The following SH3PXD2B variants were observed in gnomAD, a reference collection of about 807,000 sequenced individuals.
SH3PXD2B encodes SH3 and PX domains 2B.
SH3PXD2B carries 37 observed loss-of-function variants against 73.1 expected under a neutral mutation model. That is an observed-to-expected ratio of 0.51 (90% confidence interval 0.39 to 0.67). The LOEUF (loss-of-function observed/expected upper bound fraction) is 0.67. Ranked by LOEUF, SH3PXD2B falls within the 30% of genes least tolerant of loss-of-function variation. The pLI, the probability that SH3PXD2B is intolerant of heterozygous loss-of-function variation, is 0.00. For synonymous variants in SH3PXD2B, 457 were observed against 480.5 expected (o/e 0.95, Z 0.64); for missense variants, 1,053 against 1,197.8 (o/e 0.88, Z 1.78).
chr5:172,394,236 T>TA (rs1417388892), intron 4 of SH3PXD2B, among the ~76,000 whole-genome samples: 1 of 152,224 alleles, frequency 6.6e-6, no homozygotes, highest in Non-Finnish European at 1.5e-5. Flanking sequence ...TGAGCCACTG[T>TA]ACCCAGTCAA....
intron 6 of SH3PXD2B, among the ~76,000 whole-genome samples, chr5:172,367,521 C>A (rs757837348): frequency 6.6e-6 from 1 of 152,090 alleles, no homozygotes. Context: ...AGCCACTGCG[C>A]CTGGCCTTTT....
chr5:172,412,993 T>C (rs1454852658), intron 2 of SH3PXD2B, among the ~76,000 whole-genome samples: 2 of 152,142 alleles, frequency 1.3e-5, no homozygotes, highest in Non-Finnish European at 2.9e-5. Context: ...CAGCTTGCGG[T>C]AGAGGGAATG....
chr5:172,435,675 C>T (rs561565763), intron 1 of SH3PXD2B, among the ~76,000 whole-genome samples: 183 of 152,268 alleles, frequency 1.2e-3, no homozygotes, highest in Non-Finnish European at 1.9e-3. Context: ...CTACCTGCCT[C>T]GGCCTCCCAA....
At chr5:172,354,611 C>A (rs190663464) in intron 8 of SH3PXD2B, among the ~76,000 whole-genome samples, 242 of 152,326 alleles carry the variant, frequency 1.6e-3, no homozygotes, top group African/African-American at 5.5e-3. Flanking sequence ...TCCTTACTAG[C>A]TCTTGCAGGT....
intron 2 of SH3PXD2B, among the ~76,000 whole-genome samples, chr5:172,416,055 C>T (rs756608035): frequency 7.9e-5 from 12 of 152,242 alleles, no homozygotes; most frequent in Non-Finnish European, 1.2e-4. Flanking sequence ...CAGCCGGGCG[C>T]GGTGGCTCAG....
In SH3PXD2B at chr5:172,333,561, A is replaced by G; in HGVS notation, c.*4808T>C. 8.5e-7 allele frequency: 1 copy of G among 1,175,298 alleles called. No homozygotes were observed. Among genetic ancestry groups the G allele is most frequent in the Non-Finnish European group, 1.1e-6 (1 of 938,514 alleles). 72.8% of individuals were successfully genotyped at this position (1,175,298 alleles called of 1,614,324 possible). A position where few individuals can be genotyped will look rare whatever the true frequency, so the allele number is the denominator to read the frequency against. ...TATTTAAAAAAAAAAAAAGGAAAGA[A>G]GTCAAATGGTAAAGTATATAGCCTA... On this transcript the variant is annotated 3_prime_UTR_variant, in exon 13 of 13. Coordinates refer to ENST00000311601, the MANE Select transcript of SH3PXD2B (RefSeq NM_001017995.3).
At chr5:172,420,671 T>C (rs1170292943) in intron 2 of SH3PXD2B, among the ~76,000 whole-genome samples, 1 of 152,204 alleles carries the variant, frequency 6.6e-6, no homozygotes, top group Non-Finnish European at 1.5e-5. Context: ...ATTGACTTCT[T>C]GGGTGGAGCA....
At chr5:172,406,203 A>C (rs1409671746) in intron 3 of SH3PXD2B, 74 bp downstream of exon 3, 2 of 1,499,556 alleles carry the variant, frequency 1.3e-6, no homozygotes, top group Non-Finnish European at 1.9e-6. Flanking sequence ...ACAAGCTGAT[A>C]AACTGTCCCA....
chr5:172,429,855 C>T (rs1759190971), intron 1 of SH3PXD2B, among the ~76,000 whole-genome samples: 1 of 152,190 alleles, frequency 6.6e-6, no homozygotes, highest in Admixed American at 6.5e-5. Context: ...CATGCCCCAG[C>T]TTGGCTGCAG....
intron 10 of SH3PXD2B, among the ~76,000 whole-genome samples, chr5:172,348,654 C>CTTATCTATCTATCTATCTTATCTTAT (rs1440672001): frequency 3.3e-5 from 2 of 60,396 alleles, no homozygotes; most frequent in Non-Finnish European, 7.1e-5. Flanking sequence ...ATCTATCTAT[C>CTTATCTATCTATCTATCTTATCTTAT]CTATCTATCT....
intron 4 of SH3PXD2B, among the ~76,000 whole-genome samples, chr5:172,393,288 C>G (rs563678655): frequency 6.6e-6 from 1 of 152,216 alleles, no homozygotes; most frequent in Non-Finnish European, 1.5e-5. Flanking sequence ...AAATTTATTT[C>G]TAAGTATTTT....
At chr5:172,418,589 GC>G (rs1328041315) in intron 2 of SH3PXD2B, among the ~76,000 whole-genome samples, 7 of 152,232 alleles carry the variant, frequency 4.6e-5, no homozygotes, top group Non-Finnish European at 8.8e-5. Flanking sequence ...GGTGTTGCAG[GC>G]CCGCAAGGGC....
rs575524429 is a variant in SH3PXD2B, at chr5:172,351,668, C to CA, written c.786-1080dup. Among the ~76,000 whole-genome samples the CA allele has an allele frequency of 1.9e-4, 29 of 151,748 alleles. No individual in the cohort carries two copies. In the East Asian group the frequency reaches 4.4e-3, roughly 23 times the overall value. ...TGGTTGTTAAACATTTACCAGAACC[C>CA]AAAAAAACAGGTGGCCAGACCTTTG... On this transcript the variant is annotated intron_variant, in intron 9 of 12. Transcript: ENST00000311601.
rs34351709 is a variant in SH3PXD2B, at chr5:172,389,568, CA to C, written c.309+4994del. ...CAACATGGTGAAACCTCATCTCTAC[CA>C]AAAAAAAAAAAAAAAAAAAATTGGT... On this transcript the variant is annotated intron_variant, in intron 4 of 12. Transcript: ENST00000311601. 2.6e-3 allele frequency among the ~76,000 whole-genome samples: 265 copies of C among 103,586 alleles called. 1 individual carries two copies. The highest frequency in any genetic ancestry group is 8.6e-3 in the African/African-American group (229 of 26,550). The allele number at this position is 103,586 out of a possible 152,430, so 68.0% of individuals were successfully genotyped here.
At chr5:172,405,550 G>A (rs1253956933) in intron 3 of SH3PXD2B, among the ~76,000 whole-genome samples, 4 of 152,296 alleles carry the variant, frequency 2.6e-5, no homozygotes, top group Middle Eastern at 3.4e-3. Flanking sequence ...CAGCCAGCAC[G>A]GAAACAGATC....
In SH3PXD2B at chr5:172,422,460, T is replaced by C. The variant is rs1758991732; in HGVS notation, c.112A>G (p.Thr38Ala). The C allele has an allele frequency of 1.2e-6, 2 of 1,612,658 alleles. No individual in the cohort carries two copies. The highest frequency in any genetic ancestry group is 1.7e-6 in the Non-Finnish European group (2 of 1,179,712). ...CTGTAGCGCCGGTAAATGGCCTCGG[T>C]GGAGCCGCTGGACCACGTGACCCGG... ...IIRVTWSSGS[T>A]EAIYRRYSKF... The change falls in exon 2 of 13, where the codon ACC becomes GCC. Residue 38 changes from threonine to alanine, a missense_variant. By Grantham distance (58) the Thr-to-Ala change is moderately conservative. Coordinates refer to ENST00000311601, the MANE Select transcript of SH3PXD2B (RefSeq NM_001017995.3).
At chr5:172,397,506 G>C (rs940861409) in intron 3 of SH3PXD2B, among the ~76,000 whole-genome samples, 21 of 152,268 alleles carry the variant, frequency 1.4e-4, no homozygotes, top group African/African-American at 4.3e-4. Flanking sequence ...TGGTTTTGCA[G>C]CTTGGGGGGC....
intron 2 of SH3PXD2B, among the ~76,000 whole-genome samples, chr5:172,409,223 T>C (rs1758632360): frequency 6.6e-6 from 1 of 151,624 alleles, no homozygotes; most frequent in Non-Finnish European, 1.5e-5. Context: ...CCACTAAAAA[T>C]ACAAAAAAAT....
intron 1 of SH3PXD2B, among the ~76,000 whole-genome samples, chr5:172,432,993 C>A (rs995440152): frequency 6.6e-6 from 1 of 151,552 alleles, no homozygotes; most frequent in Non-Finnish European, 1.5e-5. Flanking sequence ...TCTGTACACA[C>A]ACACACACAG....
Sources: gnomAD v4.1 joint callset for allele counts (sites outside exome capture counted in the v4.1 genomes callset) on GRCh38, gnomAD v4.1.1 for gene constraint, MANE v1.5 for transcripts, NCBI Gene and HGNC (gene_info 2026-07-23, HGNC 2026-07-21) for gene names.